The following B3GLCT variants were observed in gnomAD, a reference collection of about 807,000 sequenced individuals.
The protein encoded by B3GLCT is beta-1,3-glucosyltransferase.
Under a neutral mutation model 63.4 loss-of-function variants are expected in B3GLCT, and 65 were observed. The ratio of observed to expected loss-of-function variants is 1.03; its 90% CI spans 0.84 to 1.26. B3GLCT has a LOEUF of 1.26. Among genes scored for constraint, B3GLCT ranks in the 50% most tolerant of loss-of-function variants. The pLI is 0.00. For missense variants in B3GLCT, 577 were observed against 604.8 expected (o/e 0.95, Z 0.48); for synonymous variants, 233 against 219.2 (o/e 1.06, Z -0.55).
intron 4 of B3GLCT, among the ~76,000 whole-genome samples, chr13:31,234,165 C>A (rs1163268592): frequency 6.6e-6 from 1 of 152,026 alleles, no homozygotes; most frequent in Non-Finnish European, 1.5e-5. Flanking sequence ...CTACAGGCAC[C>A]CGCCACCACA....
chr13:31,246,946 C>CTTTTCTTTTTTTTTTTTTT, intron 4 of B3GLCT, 77 bp from the exon 5 acceptor site: 1 of 1,011,084 alleles, frequency 9.9e-7, no homozygotes, highest in Non-Finnish European at 1.4e-6. Context: ...CTTTTCTTTT[C>CTTTTCTTTTTTTTTTTTTT]TTTTCTTTTT....
intron 13 of B3GLCT, among the ~76,000 whole-genome samples, chr13:31,318,620 G>A (rs962795600): frequency 6.6e-6 from 1 of 152,162 alleles, no homozygotes; most frequent in African/African-American, 2.4e-5. Context: ...ACAACAGGAG[G>A]GGGAGTCCAG....
At chr13:31,256,577 G>A (rs1871751403) in intron 6 of B3GLCT, among the ~76,000 whole-genome samples, 2 of 152,156 alleles carry the variant, frequency 1.3e-5, no homozygotes, top group South Asian at 4.1e-4. Flanking sequence ...ATACACCATG[G>A]AATACTATGC....
At chr13:31,326,612 T>C (rs985385154) in intron 14 of B3GLCT, among the ~76,000 whole-genome samples, 2 of 152,086 alleles carry the variant, frequency 1.3e-5, no homozygotes, top group African/African-American at 4.8e-5. Flanking sequence ...TCAGCCCCTC[T>C]CTCTTCCTGT....
Position 31,237,717 on chromosome 13 carries a change from G to A in B3GLCT, c.270+8423G>A, listed in dbSNP as rs141102981. 2.4e-3 allele frequency among the ~76,000 whole-genome samples: 359 copies of A among 152,268 alleles called. 3 individuals are homozygous for A. The highest frequency in any genetic ancestry group is 8.3e-3 in the African/African-American group (343 of 41,562). On this transcript the variant is annotated intron_variant, in intron 4 of 14. Transcript: ENST00000343307. ...AAGAACTGGTGACTCCGTCAGCTGTGGGAGCTGAGAAAGGGAAAAACTAAG... is the reference window on the plus strand; with the variant it reads ...AAGAACTGGTGACTCCGTCAGCTGTAGGAGCTGAGAAAGGGAAAAACTAAG...
rs1001363578 is a variant in B3GLCT, at chr13:31,222,365, C to T, written c.121-587C>T. Among the ~76,000 whole-genome samples the T allele has an allele frequency of 3.9e-5, 6 of 152,164 alleles. No individual in the cohort carries two copies. In the South Asian group the frequency reaches 6.2e-4, roughly 16 times the overall value. ...TGCTGGGGTTACAGGTATGAGCCACCGCACCCGGCCTCTGTGCTCCTGAAT... is the reference window on the plus strand; with the variant it reads ...TGCTGGGGTTACAGGTATGAGCCACTGCACCCGGCCTCTGTGCTCCTGAAT... On this transcript the variant is annotated intron_variant, in intron 2 of 14. Coordinates refer to ENST00000343307, the MANE Select transcript of B3GLCT (RefSeq NM_194318.4).
intron 12 of B3GLCT, among the ~76,000 whole-genome samples, chr13:31,316,432 AAT>A (rs1566096059): frequency 0.014 from 291 of 21,436 alleles, 14 homozygotes; most frequent in African/African-American, 0.03. Flanking sequence ...TATATATATA[AAT>A]TTTTTTTTTT....
intron 6 of B3GLCT, among the ~76,000 whole-genome samples, chr13:31,250,156 T>A (rs1217843148): frequency 6.6e-6 from 1 of 152,172 alleles, no homozygotes; most frequent in Non-Finnish European, 1.5e-5. Flanking sequence ...ATGAGGTGTG[T>A]TGACTTTAAA....
intron 3 of B3GLCT, among the ~76,000 whole-genome samples, chr13:31,226,101 A>G (rs977893703): frequency 4.6e-5 from 7 of 152,312 alleles, no homozygotes; most frequent in Non-Finnish European, 7.4e-5. Flanking sequence ...TGCTTTTTAA[A>G]GGAAACTCAG....
intron 7 of B3GLCT, among the ~76,000 whole-genome samples, chr13:31,263,121 A>C: frequency 6.6e-6 from 1 of 152,146 alleles, no homozygotes; most frequent in East Asian, 1.9e-4. Context: ...CCTTGAAGCC[A>C]GTGTAGCTCT....
chr13:31,301,911 T>G (rs1874240834), intron 12 of B3GLCT, among the ~76,000 whole-genome samples: 1 of 152,238 alleles, frequency 6.6e-6, no homozygotes, highest in South Asian at 2.1e-4. Flanking sequence ...ATTCCATTTT[T>G]TAATAACCAC....
intron 4 of B3GLCT, among the ~76,000 whole-genome samples, chr13:31,240,587 G>GT (rs1870891398): frequency 6.6e-6 from 1 of 151,126 alleles, no homozygotes; most frequent in South Asian, 2.1e-4. Flanking sequence ...ATGGCCTGGC[G>GT]TTTTCTAATT....
intron 10 of B3GLCT, among the ~76,000 whole-genome samples, chr13:31,277,394 A>T (rs901857685): frequency 4.6e-5 from 7 of 152,096 alleles, no homozygotes; most frequent in Non-Finnish European, 1.0e-4. Flanking sequence ...TAATGTAAAA[A>T]AAAAAAGCCC....
intron 3 of B3GLCT, 61 bp from the exon 4 acceptor site, chr13:31,229,124 C>G (rs1870242701): frequency 1.8e-6 from 2 of 1,118,138 alleles, no homozygotes; most frequent in African/African-American, 1.6e-5. Context: ...CACTTGTTTT[C>G]AAGTTTATTT....
At chr13:31,326,495 G>A (rs1314395235) in intron 14 of B3GLCT, among the ~76,000 whole-genome samples, 1 of 151,768 alleles carries the variant, frequency 6.6e-6, no homozygotes, top group African/African-American at 2.4e-5. Flanking sequence ...GTTAGCCAGG[G>A]TGGTCTCGAT....
chr13:31,244,885 G>C (rs1382311017), intron 4 of B3GLCT, among the ~76,000 whole-genome samples: 1 of 152,120 alleles, frequency 6.6e-6, no homozygotes, highest in Non-Finnish European at 1.5e-5. Flanking sequence ...GTTTCTGAGT[G>C]CCAAAGTAGC....
chr13:31,287,056 G>T (rs1034711859), intron 12 of B3GLCT, among the ~76,000 whole-genome samples: 1 of 152,194 alleles, frequency 6.6e-6, no homozygotes, highest in African/African-American at 2.4e-5. Context: ...TGAGTTCTAT[G>T]ACTGCCAGAG....
chr13:31,316,407 T>TATATATATATATATATATATATATATATA (rs1555255282), intron 12 of B3GLCT, among the ~76,000 whole-genome samples: 3 of 40,868 alleles, frequency 7.3e-5, no homozygotes, highest in Non-Finnish European at 1.6e-4. Flanking sequence ...TTTGGAGGTT[T>TATATATATATATATATATATATATATATA]TATATATATA....
rs1871433969 is a variant in B3GLCT at position 31,251,711 on chromosome 13, G to A, written c.459+3745G>A. ...TGAACAAAGCCTCCAAGAAATATGG[G>A]ACTGTGTGAAAAGACCAAATCTACA... On this transcript the variant is annotated intron_variant, in intron 6 of 14. Coordinates refer to ENST00000343307, the MANE Select transcript of B3GLCT (RefSeq NM_194318.4). Among the ~76,000 whole-genome samples the A allele has an allele frequency of 1.3e-5, 2 of 152,164 alleles. 1 individual carries two copies. The highest frequency in any genetic ancestry group is 4.1e-4 in the South Asian group (2 of 4,826).
Sources: gnomAD v4.1 joint callset for allele counts (sites outside exome capture counted in the v4.1 genomes callset) on GRCh38, gnomAD v4.1.1 for gene constraint, MANE v1.5 for transcripts, NCBI Gene and HGNC (gene_info 2026-07-23, HGNC 2026-07-21) for gene names.